KIF26A: variants seen among roughly 807,000 people sequenced by gnomAD.
KIF26A encodes kinesin-like protein KIF26A.
Under a neutral mutation model 126.0 loss-of-function variants are expected in KIF26A, and 74 were observed. That is an observed-to-expected ratio of 0.59 (90% CI 0.49 to 0.71). The LOEUF (loss-of-function observed/expected upper bound fraction) is 0.71, where lower values mean the gene tolerates loss of function less well. KIF26A is among the 30% of genes least tolerant of loss of function. The pLI is 0.00. For synonymous variants in KIF26A, 1,445 were observed against 1,232.7 expected (o/e 1.17, Z -3.61); for missense variants, 2,984 against 2,763.3 (o/e 1.08, Z -1.79).
Position 104,152,752 on chromosome 14 carries a change from C to T in KIF26A, c.735+291C>T, listed in dbSNP as rs1366621344. On this transcript the variant is annotated intron_variant, in intron 3 of 14. Transcript: ENST00000423312. This position sits in a 1 kb window ranked among gnomAD's most constrained non-coding sequence, Gnocchi z 5.9. ...GGGCTGAGGGCCCACCAGTGCCCAG[C>T]ACAGGGCTTGGCGATGCACAGGGCA... Among the ~76,000 whole-genome samples, 1 of 152,232 alleles carries T rather than the reference C, an allele frequency of 6.6e-6. No individual in the cohort carries two copies. Among genetic ancestry groups the T allele is most frequent in the Non-Finnish European group, 1.5e-5 (1 of 68,026 alleles).
chr14:104,177,010 G>A lies in KIF26A; in HGVS notation c.4222G>A (p.Ala1408Thr). Residue 1408 changes from alanine (A) to threonine (T), a missense_variant, in exon 12 of 15, where the codon GCT becomes ACT. Physicochemically the swap from Ala to Thr is moderately conservative, Grantham distance 58 (BLOSUM62 0). Coordinates refer to ENST00000423312, the MANE Select transcript of KIF26A (RefSeq NM_015656.2). Reference protein sequence around the residue: ...GEEEPRPSSRADHSVPRATSS... With the variant: ...GEEEPRPSSRTDHSVPRATSS... ...GGAGGAGCCCAGACCCAGCAGCCGGGCTGACCACTCTGTCCCCAGGGCCAC... is the reference window on the plus strand; with the variant it reads ...GGAGGAGCCCAGACCCAGCAGCCGGACTGACCACTCTGTCCCCAGGGCCAC... The A allele has an allele frequency of 6.4e-7, 1 of 1,555,182 alleles. No homozygotes were observed. Among genetic ancestry groups the A allele is most frequent in the Non-Finnish European group, 8.6e-7 (1 of 1,158,160 alleles).
rs1475149183 is a variant in KIF26A, at chr14:104,175,902, G to A, written c.3114G>A (p.Glu1038=). The change falls in exon 12 of 15, where the codon GAG becomes GAA. Residue 1038 remains glutamate (E), a synonymous_variant. Coordinates refer to ENST00000423312, the MANE Select transcript of KIF26A (RefSeq NM_015656.2). ...GEDELVFTVV[E]ELSLGALAGA... is the part of the protein sequence containing the mutation. ...ACGAGCTGGTGTTCACGGTGGTGGA[G>A]GAGCTGTCCCTGGGGGCGCTTGCCG... is the stretch of plus-strand genomic sequence containing the variant. 5.8e-6 allele frequency: 9 copies of A among 1,543,838 alleles called. No homozygotes were observed. Among genetic ancestry groups the A allele is most frequent in the Non-Finnish European group, 7.8e-6 (9 of 1,149,752 alleles).
chr14:104,146,426 G>A (rs565320435), intron 2 of KIF26A, among the ~76,000 whole-genome samples: 43 of 152,238 alleles, frequency 2.8e-4, no homozygotes, highest in African/African-American at 9.4e-4. Context: ...TGGGGAGAGG[G>A]TCCTGAGGGC....
chr14:104,147,772 A>G (rs569533296), intron 2 of KIF26A, among the ~76,000 whole-genome samples: 2 of 152,328 alleles, frequency 1.3e-5, no homozygotes, highest in Non-Finnish European at 1.5e-5. Flanking sequence ...TGGGAAGGAA[A>G]GGGAGGGCAA....
At position 104,179,635 on chromosome 14, in the gene KIF26A, G is replaced by A. The variant is rs756446886; in HGVS notation, c.5494G>A (p.Glu1832Lys). 6.3e-5 allele frequency: 97 copies of A among 1,540,828 alleles called. No individual in the cohort carries two copies. Among genetic ancestry groups the A allele is most frequent in the Middle Eastern group, 1.8e-4 (1 of 5,454 alleles). Reference sequence around the variant, plus strand: ...TGAGGTGGACCCGGAGCTGGAGCCCGAGTCGGCCGAGTACCTGGCGGCCCT... The same window carrying A: ...TGAGGTGGACCCGGAGCTGGAGCCCAAGTCGGCCGAGTACCTGGCGGCCCT... ...QFEVDPELEP[E>K]SAEYLAALER... The change falls in exon 15 of 15, where the codon GAG becomes AAG. Residue 1832 changes from glutamate to lysine, a missense_variant. Transcript: ENST00000423312.
At chr14:104,178,474 C>A in intron 12 of KIF26A, 76 bp from the exon 13 acceptor site, 1 of 1,157,810 alleles carries the variant, frequency 8.6e-7, no homozygotes, top group Non-Finnish European at 1.1e-6. Flanking sequence ...CGGGCCGGCT[C>A]CGCAGCGTCC....
intron 2 of KIF26A, among the ~76,000 whole-genome samples, chr14:104,143,664 A>G (rs1373566442): frequency 6.6e-6 from 1 of 152,168 alleles, no homozygotes; most frequent in African/African-American, 2.4e-5. Flanking sequence ...TGGTCCCATG[A>G]CGGATGCTCG....
In KIF26A at chr14:104,151,520, C is replaced by T. The variant is rs905026393; in HGVS notation, c.289-495C>T. Among the ~76,000 whole-genome samples the T allele has an allele frequency of 6.6e-6, 1 of 152,218 alleles. No individual in the cohort carries two copies. The highest frequency in any genetic ancestry group is 2.4e-5 in the African/African-American group (1 of 41,454). The stretch of plus-strand genomic sequence containing the variant: ...TTCTGTTGACACCTTTACAGCAGCA[C>T]TGATTTGATTTTCCACCTGCCCCAC... On this transcript the variant is annotated intron_variant, in intron 2 of 14. Coordinates refer to ENST00000423312, the MANE Select transcript of KIF26A (RefSeq NM_015656.2). This position sits in a 1 kb window ranked among gnomAD's most constrained non-coding sequence, Gnocchi z 4.9.
intron 10 of KIF26A, 98 bp downstream of exon 10, chr14:104,173,966 C>G: frequency 6.9e-7 from 1 of 1,452,868 alleles, no homozygotes; most frequent in South Asian, 1.4e-5. Context: ...GCCCCCAGCT[C>G]CTCAGGGCTT....
In KIF26A at chr14:104,177,079, C is replaced by A; in HGVS notation, c.4291C>A (p.Arg1431Ser). ...GGCCAGCAAGGTAGAAGCAGCACAC[C>A]GTCTTGCCGGACACGCGTCTCTGGA... ...ARASKVEAAH[R>S]LAGHASLERY... The change falls in exon 12 of 15, where the codon CGT (arginine) becomes AGT (serine). Residue 1431 changes from arginine to serine, a missense_variant. Physicochemically the swap from Arg to Ser is moderately radical, Grantham distance 110. Transcript: ENST00000423312. The A allele has an allele frequency of 6.3e-7, 1 of 1,594,996 alleles. No homozygotes were observed.
chr14:104,156,473 G>C (rs1217169772), intron 3 of KIF26A, among the ~76,000 whole-genome samples: 2 of 152,306 alleles, frequency 1.3e-5, no homozygotes, highest in East Asian at 3.9e-4. Flanking sequence ...GGAGTGGCTG[G>C]TGCCTAGGGC....
rs899316025 is a variant in KIF26A, at chr14:104,169,091, C to T, written c.1113+2043C>T. 3.9e-5 allele frequency among the ~76,000 whole-genome samples: 6 copies of T among 152,242 alleles called. No individual in the cohort carries two copies. The East Asian group carries it at 7.7e-4, about 20-fold the overall frequency. On this transcript the variant is annotated intron_variant, in intron 5 of 14. Coordinates refer to ENST00000423312, the MANE Select transcript of KIF26A (RefSeq NM_015656.2). ...TGGCTGGGGCACCCTGGGTCCTCCCCACCCTCAACAGTCTCCTTGAGACAG... is the reference window on the plus strand; with the variant it reads ...TGGCTGGGGCACCCTGGGTCCTCCCTACCCTCAACAGTCTCCTTGAGACAG...
Position 104,139,282 on chromosome 14 carries a change from C to T in KIF26A, c.282C>T (p.Thr94=), listed in dbSNP as rs780839820. The T allele has an allele frequency of 1.4e-4, 206 of 1,507,856 alleles. No individual in the cohort carries two copies. The highest frequency in any genetic ancestry group is 1.7e-4 in the Non-Finnish European group (194 of 1,127,942). The allele number at this position is 1,507,856 out of a possible 1,614,324, so 93.4% of individuals were successfully genotyped here. Residue 94 remains threonine (T), a synonymous_variant, in exon 2 of 15, where the codon ACC becomes ACT. Transcript: ENST00000423312. ...AWKLVSGPGT[T]LRDPCLSALL... is the part of the protein sequence containing the mutation. ...AGCTGGTCAGCGGGCCCGGGACCAC[C>T]CTCCGGGTAAGTGACACTTCCTTAG...
chr14:104,160,768 G>T (rs1037900051), intron 4 of KIF26A, among the ~76,000 whole-genome samples: 2 of 152,210 alleles, frequency 1.3e-5, no homozygotes, highest in Admixed American at 1.3e-4. Context: ...AGGTACTTCC[G>T]TCATCATACT....
chr14:104,171,458 C>G (rs2037955994), intron 5 of KIF26A, among the ~76,000 whole-genome samples: 1 of 152,192 alleles, frequency 6.6e-6, no homozygotes, highest in Non-Finnish European at 1.5e-5. Context: ...CCGCCGCCCC[C>G]TCATTCTCTG....
rs1156615055 is a variant in KIF26A at position 104,152,902 on chromosome 14, C to T, written c.735+441C>T. Among the ~76,000 whole-genome samples, 6 of 152,218 alleles carry T rather than the reference C, an allele frequency of 3.9e-5. No individual in the cohort carries two copies. The South Asian group carries it at 6.2e-4, about 16-fold the overall frequency. ...ACGTCGGGCGGGGGACCGGCAGTTG[C>T]AATTGCTGGAGATGCGTTGCCTGCC... On this transcript the variant is annotated intron_variant, in intron 3 of 14. Coordinates refer to ENST00000423312, the MANE Select transcript of KIF26A (RefSeq NM_015656.2). This position sits in a 1 kb window ranked among gnomAD's most constrained non-coding sequence, Gnocchi z 5.9.
chr14:104,166,446 A>G lies in KIF26A; in HGVS notation c.924-413A>G, dbSNP rs141808773. ...ATAGGCAGGCCAGGTGGATGTGCCC[A>G]GGTCACAGCTGTGCATGGCTGCCCA... is the stretch of plus-strand genomic sequence containing the variant. On this transcript the variant is annotated intron_variant, in intron 4 of 14. Transcript: ENST00000423312. 6.2e-3 allele frequency among the ~76,000 whole-genome samples: 942 copies of G among 152,278 alleles called. 10 individuals carry two copies. The highest frequency in any genetic ancestry group is 0.022 in the African/African-American group (910 of 41,546).
In KIF26A at chr14:104,173,057, A is replaced by C. The variant is rs978146464; in HGVS notation, c.1501A>C (p.Arg501=). The change falls in exon 8 of 15, where the codon AGG becomes CGG. Residue 501 remains arginine (R), a synonymous_variant. Transcript: ENST00000423312. The part of the protein sequence containing the change: ...IVPCAISWLF[R]LIEERRERTG... The stretch of plus-strand genomic sequence containing the variant: ...GCCCTGCGCCATCTCCTGGCTCTTC[A>C]GGCTCATCGAGGAGCGCAGGGAGAG... The C allele has an allele frequency of 6.2e-7, 1 of 1,605,376 alleles. No individual in the cohort carries two copies.
At chr14:104,138,995 G>A (rs113737823) in intron 1 of KIF26A, 48 bp from the exon 2 acceptor site, 5 of 1,322,932 alleles carry the variant, frequency 3.8e-6, no homozygotes, top group African/African-American at 1.5e-5. Flanking sequence ...GTCTGGATCC[G>A]ACGGACGTCC....
Sources: gnomAD v4.1 joint callset for allele counts (sites outside exome capture counted in the v4.1 genomes callset) on GRCh38, gnomAD v4.1.1 for gene constraint, Gnocchi (gnomAD v3.1) non-coding constraint, MANE v1.5 for transcripts, NCBI Gene and HGNC (gene_info 2026-07-23, HGNC 2026-07-21) for gene names.